Variants in DGKI observed in about 807,000 individuals in gnomAD.
DGKI encodes the protein diacylglycerol kinase iota.
Under a neutral mutation model 147.5 loss-of-function variants are expected in DGKI, and 55 were observed. The observed-to-expected ratio is 0.37, with a 90% CI of 0.30 to 0.47. The LOEUF is 0.47. Ranked by LOEUF, DGKI falls within the 20% of genes least tolerant of loss-of-function variation. The pLI is 1.00. For synonymous variants in DGKI, 469 were observed against 477.1 expected, an observed-to-expected ratio of 0.98 and a Z score of 0.22; for missense variants, 1,007 against 1,323.8, an observed-to-expected ratio of 0.76 and a Z score of 3.71.
intron 1 of DGKI, among the ~76,000 whole-genome samples, chr7:137,703,301 C>T (rs925747374): frequency 1.3e-5 from 2 of 152,160 alleles, no homozygotes; most frequent in African/African-American, 4.8e-5. Context: ...AAGAGGAAAT[C>T]CACCCACGTG....
intron 20 of DGKI, among the ~76,000 whole-genome samples, chr7:137,542,647 G>C (rs1354286925): frequency 6.6e-6 from 1 of 152,082 alleles, no homozygotes; most frequent in East Asian, 1.9e-4. Context: ...AGCTCTTTTG[G>C]GGTGACTGAC....
At chr7:137,607,071 G>T (rs1208446047) in intron 10 of DGKI, among the ~76,000 whole-genome samples, 1 of 152,158 alleles carries the variant, frequency 6.6e-6, no homozygotes, top group African/African-American at 2.4e-5. Context: ...ACTGAGCCTC[G>T]AAGGATGAAC....
rs1268695799 is a variant in DGKI, at chr7:137,386,512, G to A, written c.*4708C>T. The A allele has an allele frequency of 6.6e-6, 1 of 152,184 alleles. No individual in the cohort carries two copies. The highest frequency in any genetic ancestry group is 1.5e-5 in the Non-Finnish European group (1 of 68,016). 9.4% of individuals were successfully genotyped at this position (152,184 alleles called of 1,614,324 possible). On this transcript the variant is annotated 3_prime_UTR_variant, in exon 33 of 33. Transcript: ENST00000614521. ...CAGTGGACATCCATGTGTCCTTTGA[G>A]TAAAAGGTATACTTGTCCCAGAGGG...
chr7:137,395,284 C>T (rs1313022390), intron 32 of DGKI, among the ~76,000 whole-genome samples: 1 of 152,120 alleles, frequency 6.6e-6, no homozygotes, highest in Non-Finnish European at 1.5e-5. Flanking sequence ...TGGTCCTGAC[C>T]CCTCTCCTTG....
chr7:137,580,426 G>A (rs576322584), intron 15 of DGKI, among the ~76,000 whole-genome samples: 21 of 152,214 alleles, frequency 1.4e-4, no homozygotes, highest in African/African-American at 4.1e-4. Context: ...GCAGGGAGGC[G>A]GAAAGTGGTA....
At chr7:137,601,453 A>C (rs560882331) in intron 10 of DGKI, among the ~76,000 whole-genome samples, 1 of 152,312 alleles carries the variant, frequency 6.6e-6, no homozygotes, top group Non-Finnish European at 1.5e-5. Flanking sequence ...TCTTTCTTAA[A>C]ATATGCCTAG....
At chr7:137,514,335 C>G (rs1034431193) in intron 21 of DGKI, among the ~76,000 whole-genome samples, 1 of 152,214 alleles carries the variant, frequency 6.6e-6, no homozygotes, top group Non-Finnish European at 1.5e-5. Context: ...ATCTGACATT[C>G]ACTTGACCCT....
At chr7:137,506,875 T>C (rs1353775010) in intron 21 of DGKI, among the ~76,000 whole-genome samples, 1 of 152,210 alleles carries the variant, frequency 6.6e-6, no homozygotes, top group Non-Finnish European at 1.5e-5. Context: ...ACTTTGTCTA[T>C]AGGAAATATA....
chr7:137,533,376 T>C (rs917423430), intron 20 of DGKI, among the ~76,000 whole-genome samples: 13 of 152,058 alleles, frequency 8.5e-5, no homozygotes, highest in Non-Finnish European at 1.6e-4. Flanking sequence ...ATGCTACAAA[T>C]ACTAAAAAGA....
chr7:137,426,743 T>G (rs1161604955), intron 28 of DGKI, among the ~76,000 whole-genome samples: 4 of 151,252 alleles, frequency 2.6e-5, no homozygotes, highest in Admixed American at 2.6e-4. Flanking sequence ...AGGCAGGGGT[T>G]GCAATCCTAG....
intron 21 of DGKI, among the ~76,000 whole-genome samples, chr7:137,504,587 T>C (rs1450784969): frequency 6.6e-6 from 1 of 152,190 alleles, no homozygotes; most frequent in East Asian, 1.9e-4. Flanking sequence ...TATAGTCATC[T>C]TAGAATAAGC....
chr7:137,653,638 C>T (rs57306865), intron 5 of DGKI, among the ~76,000 whole-genome samples: 12,496 of 152,194 alleles, frequency 0.082, 1,399 homozygotes, highest in African/African-American at 0.26. Context: ...GCTTAATTGC[C>T]GCCTCTTCCA....
intron 30 of DGKI, among the ~76,000 whole-genome samples, chr7:137,406,021 G>C (rs1811934338): frequency 6.6e-6 from 1 of 152,124 alleles, no homozygotes; most frequent in Admixed American, 6.5e-5. Context: ...GAGATTCCTG[G>C]ATTGTGTTGT....
rs557652517 is a variant in DGKI, at chr7:137,547,820, T to C, written c.2147+4549A>G. Reference sequence around the variant, plus strand: ...AACACGTAAAGGTACATCTAACAGCTAGAAGTAGACAGAAAAGGCTTATTA... The same window carrying C: ...AACACGTAAAGGTACATCTAACAGCCAGAAGTAGACAGAAAAGGCTTATTA... On this transcript the variant is annotated intron_variant, in intron 20 of 32. Transcript: ENST00000614521. Among the ~76,000 whole-genome samples, 7 of 152,224 alleles carry C rather than the reference T, an allele frequency of 4.6e-5. No individual in the cohort carries two copies. The South Asian group carries it at 1.4e-3, about 32-fold the overall frequency.
intron 1 of DGKI, among the ~76,000 whole-genome samples, chr7:137,736,448 G>C (rs1214537670): frequency 6.6e-6 from 1 of 152,076 alleles, no homozygotes; most frequent in African/African-American, 2.4e-5. Flanking sequence ...TTTTGCAAAG[G>C]CAAAATGGGA....
chr7:137,591,418 AT>A (rs983127533), intron 12 of DGKI, among the ~76,000 whole-genome samples: 1 of 152,108 alleles, frequency 6.6e-6, no homozygotes, highest in African/African-American at 2.4e-5. Flanking sequence ...CAGACAACCA[AT>A]ATTAGGCTAA....
At chr7:137,723,924 A>G (rs751599889) in intron 1 of DGKI, among the ~76,000 whole-genome samples, 3 of 151,706 alleles carry the variant, frequency 2.0e-5, no homozygotes, top group Non-Finnish European at 4.4e-5. Context: ...TGGCCAGGAT[A>G]GTCTCGATCT....
chr7:137,401,985 G>A (rs986001914), intron 30 of DGKI, among the ~76,000 whole-genome samples: 9 of 152,184 alleles, frequency 5.9e-5, no homozygotes, highest in African/African-American at 2.2e-4. Context: ...GAATATGGAG[G>A]ACACAGACCA....
intron 5 of DGKI, among the ~76,000 whole-genome samples, chr7:137,649,748 G>C (rs998107869): frequency 1.3e-4 from 19 of 146,926 alleles, no homozygotes; most frequent in African/African-American, 4.7e-4. Flanking sequence ...AAAACCTATA[G>C]AAATAAAAAA....
Sources: allele counts gnomAD v4.1 joint callset (sites outside exome capture counted in the v4.1 genomes callset), GRCh38; gene constraint gnomAD v4.1.1; transcripts MANE v1.5; gene names NCBI Gene and HGNC (gene_info 2026-07-23, HGNC 2026-07-21).